Variants in ABCC4 observed in about 807,000 individuals in gnomAD.
ABCC4 encodes the protein ATP-binding cassette sub-family C member 4.
In ABCC4, 102 loss-of-function variants were observed where a neutral mutation model predicts 168.5. The observed-to-expected ratio is 0.61, with a 90% CI of 0.52 to 0.71. The LOEUF (loss-of-function observed/expected upper bound fraction) is 0.71. ABCC4 is among the 30% of genes least tolerant of loss of function. The pLI is 0.00. For synonymous variants in ABCC4, 617 were observed against 590.7 expected (o/e 1.04, Z -0.65); for missense variants, 1,402 against 1,605.8 (o/e 0.87, Z 2.17).
chr13:95,154,902 G>A (rs917667925), intron 19 of ABCC4, among the ~76,000 whole-genome samples: 1 of 152,214 alleles, frequency 6.6e-6, no homozygotes, highest in African/African-American at 2.4e-5. Context: ...TGAATAAACA[G>A]ATAAATAGGT....
chr13:95,035,550 T>C (rs2032085800), intron 29 of ABCC4, among the ~76,000 whole-genome samples: 1 of 152,234 alleles, frequency 6.6e-6, no homozygotes, highest in African/African-American at 2.4e-5. Flanking sequence ...TCTGCATTGC[T>C]GAGGGCTGAA....
At chr13:95,233,319 T>TTA (rs1555334562) in intron 4 of ABCC4, among the ~76,000 whole-genome samples, 1 of 146,806 alleles carries the variant, frequency 6.8e-6, no homozygotes. Flanking sequence ...AGTGCACCCA[T>TTA]AAAAAAAAAA....
At chr13:95,083,622 G>A (rs1413817606) in intron 20 of ABCC4, among the ~76,000 whole-genome samples, 1 of 150,818 alleles carries the variant, frequency 6.6e-6, no homozygotes, top group Non-Finnish European at 1.5e-5. Context: ...CCACTCCCGT[G>A]TTCAAGTGAT....
chr13:95,021,605 C>T lies in ABCC4; in HGVS notation c.3948G>A (p.Ser1316=), dbSNP rs550257734. 2.5e-6 allele frequency: 4 copies of T among 1,612,404 alleles called. No homozygotes were observed. Among genetic ancestry groups the T allele is most frequent in the African/African-American group, 1.3e-5 (1 of 74,884 alleles). Residue 1316 remains serine (S), a synonymous_variant, in exon 31 of 31, where the codon TCG becomes TCA. Transcript: ENST00000645237. ...GTGCTGTCTCGAAAATAGTTAAGGT[C>T]GAGGGCTGTCCATTGGAAGTGTTTG... is the stretch of plus-strand genomic sequence containing the variant. ...MVTNTSNGQP[S]TLTIFETAL
chr13:95,136,311 C>T (rs895560064), intron 19 of ABCC4, among the ~76,000 whole-genome samples: 3 of 152,038 alleles, frequency 2.0e-5, no homozygotes, highest in Admixed American at 6.6e-5. Context: ...TGCACCACCA[C>T]GCCTGGGTAA....
At chr13:95,108,641 CT>C (rs11396828) in intron 20 of ABCC4, among the ~76,000 whole-genome samples, 309 of 145,110 alleles carry the variant, frequency 2.1e-3, no homozygotes, top group African/African-American at 4.8e-3. Flanking sequence ...AATCTATTTT[CT>C]TTTTTTTTTT....
rs530152342 is a variant in ABCC4 at position 95,044,246 on chromosome 13, C to T, written c.3629+20G>A. On this transcript the variant is annotated intron_variant, in intron 28 of 30. Transcript: ENST00000645237. ...CACTTAAAATGTGGACTCAAGGTTACATGGACCTCAGCTTTATACCTTGGA... is the reference window on the plus strand; with the variant it reads ...CACTTAAAATGTGGACTCAAGGTTATATGGACCTCAGCTTTATACCTTGGA... The T allele has an allele frequency of 2.6e-5, 42 of 1,587,142 alleles. No individual in the cohort carries two copies. The highest frequency in any genetic ancestry group is 3.5e-5 in the Non-Finnish European group (41 of 1,166,822).
At chr13:95,128,373 C>T (rs1331725319) in intron 19 of ABCC4, among the ~76,000 whole-genome samples, 2 of 152,176 alleles carry the variant, frequency 1.3e-5, no homozygotes, top group Non-Finnish European at 2.9e-5. Context: ...AGAATCGAAA[C>T]TCTTTTGTTC....
At chr13:95,246,906 C>A in intron 3 of ABCC4, 69 bp downstream of exon 3, 1 of 1,540,436 alleles carries the variant, frequency 6.5e-7, no homozygotes, top group South Asian at 1.2e-5. Flanking sequence ...CATTACAGCA[C>A]CAGTCAATGG....
chr13:95,088,504 G>T (rs185705492), intron 20 of ABCC4, among the ~76,000 whole-genome samples: 10 of 152,228 alleles, frequency 6.6e-5, no homozygotes, highest in Admixed American at 6.5e-4. Flanking sequence ...CAAACTTCAA[G>T]AGACAGATAT....
intron 1 of ABCC4, among the ~76,000 whole-genome samples, chr13:95,300,790 G>C (rs1327519272): frequency 6.6e-6 from 1 of 152,228 alleles, no homozygotes; most frequent in Non-Finnish European, 1.5e-5. Flanking sequence ...TACTTAAAAA[G>C]AAAGGAAAAG....
At chr13:95,160,773 A>T (rs115666011) in intron 19 of ABCC4, among the ~76,000 whole-genome samples, 4,344 of 152,294 alleles carry the variant, frequency 0.029, 178 homozygotes, top group African/African-American at 0.094. Context: ...CTCACGTCAG[A>T]GCATTCCTGA....
chr13:95,233,881 A>G (rs902968209), intron 4 of ABCC4, among the ~76,000 whole-genome samples: 2 of 152,178 alleles, frequency 1.3e-5, no homozygotes, highest in African/African-American at 4.8e-5. Flanking sequence ...AAACACTATA[A>G]GTTCTCTCCA....
At position 95,136,844 on chromosome 13, in the gene ABCC4, G is replaced by T. The variant is rs377707196; in HGVS notation, c.2456-20843C>A. On this transcript the variant is annotated intron_variant, in intron 19 of 30. Transcript: ENST00000645237. ...GCCTGCCGAACGCCCAGCCTGCCCA[G>T]GCGCACACGGCTCGCCACTGCCAGC... Among the ~76,000 whole-genome samples the T allele has an allele frequency of 7.2e-5, 11 of 152,336 alleles. No individual in the cohort carries two copies. In the South Asian group the frequency reaches 8.3e-4, roughly 11 times the overall value.
chr13:95,284,296 C>T (rs2041204473), intron 1 of ABCC4, among the ~76,000 whole-genome samples: 1 of 152,116 alleles, frequency 6.6e-6, no homozygotes, highest in African/African-American at 2.4e-5. Context: ...AGGTGATCCT[C>T]CCACCTCAGC....
intron 20 of ABCC4, among the ~76,000 whole-genome samples, chr13:95,090,823 A>G (rs1276609319): frequency 2.0e-5 from 3 of 152,210 alleles, no homozygotes; most frequent in Non-Finnish European, 4.4e-5. Context: ...GTTAGTTATT[A>G]AGCTAATCAG....
chr13:95,091,240 A>G (rs1253179145), intron 20 of ABCC4, among the ~76,000 whole-genome samples: 1 of 152,246 alleles, frequency 6.6e-6, no homozygotes, highest in Non-Finnish European at 1.5e-5. Context: ...ATAATCGAGG[A>G]AAACTTCTTC....
rs755197392 is a variant in ABCC4 at position 95,301,298 on chromosome 13, T to A, written c.17A>T (p.Gln6Leu). The A allele has an allele frequency of 1.9e-6, 3 of 1,593,908 alleles. No individual in the cohort carries two copies. Among genetic ancestry groups the A allele is most frequent in the Non-Finnish European group, 1.7e-6 (2 of 1,171,094 alleles). MLPVY[Q>L]EVKPNPLQDA... ...CTGCAGCGGGTTGGGCTTCACCTCC[T>A]GGTACACGGGCAGCATCTTGCCGGG... Residue 6 changes from glutamine (Q) to leucine (L), a missense_variant, in exon 1 of 31, where the codon CAG becomes CTG. Physicochemically the swap from Gln to Leu is moderately radical, Grantham distance 113. This residue lies in a region of ABCC4 where 317 missense variants were observed against 345.5 expected (regional missense o/e 0.92). Coordinates refer to ENST00000645237, the MANE Select transcript of ABCC4 (RefSeq NM_005845.5).
chr13:95,232,322 A>G (rs2039644956), intron 4 of ABCC4, among the ~76,000 whole-genome samples: 2 of 152,210 alleles, frequency 1.3e-5, no homozygotes, highest in South Asian at 4.1e-4. Context: ...TCAAAGGAAG[A>G]CTTGGGGAGG....
Sources: gnomAD v4.1 joint callset for allele counts (sites outside exome capture counted in the v4.1 genomes callset) on GRCh38, gnomAD v4.1.1 for gene constraint, gnomAD v4.1.1 regional missense constraint, MANE v1.5 for transcripts, NCBI Gene and HGNC (gene_info 2026-07-23, HGNC 2026-07-21) for gene names.